The following ZRANB3 variants were observed in gnomAD, a reference collection of about 807,000 sequenced individuals.
The protein encoded by ZRANB3 is zinc finger RANBP2-type containing 3.
In ZRANB3, 125 loss-of-function variants were observed where a neutral mutation model predicts 133.8. The observed-to-expected ratio is 0.93, with a 90% CI of 0.81 to 1.08. The LOEUF is 1.08. Ranked by LOEUF, ZRANB3 falls within the 50% of genes least tolerant of loss-of-function variation. The probability of loss-of-function intolerance (pLI) is 0.00; values close to 1 mark genes in which losing one functional copy is unlikely to be tolerated. For synonymous variants in ZRANB3, 387 were observed against 432.7 expected, an observed-to-expected ratio of 0.89 and a Z score of 1.31; for missense variants, 1,229 against 1,275.5, an observed-to-expected ratio of 0.96 and a Z score of 0.56.
chr2:135,443,698 T>G (rs1689895116), intron 2 of ZRANB3, among the ~76,000 whole-genome samples: 1 of 152,024 alleles, frequency 6.6e-6, no homozygotes, highest in South Asian at 2.1e-4. Flanking sequence ...TGAGGGACAT[T>G]CAACAAAATA....
chr2:135,523,489 T>C (rs1180860509), intron 1 of ZRANB3, among the ~76,000 whole-genome samples: 4 of 152,252 alleles, frequency 2.6e-5, no homozygotes, highest in East Asian at 3.8e-4. Flanking sequence ...GACTTTCTTA[T>C]GGTTTTATTT....
At chr2:135,276,236 T>TG (rs544708362) in intron 8 of ZRANB3, among the ~76,000 whole-genome samples, 216 of 143,358 alleles carry the variant, frequency 1.5e-3, no homozygotes, top group African/African-American at 5.3e-3. Context: ...TAAGGAAAGT[T>TG]TTTTTTTTTT....
rs56770947 is a variant in ZRANB3, at chr2:135,496,384, T to TA, written c.161+7944dup. ...GGGCAACAAGAGCAAAACTCCATCT[T>TA]AAAAAAAAAAAAAAAAAAAAAAAAA... On this transcript the variant is annotated intron_variant, in intron 2 of 20. Coordinates refer to ENST00000264159, the MANE Select transcript of ZRANB3 (RefSeq NM_032143.4). Among the ~76,000 whole-genome samples the TA allele has an allele frequency of 3.8e-3, 127 of 33,316 alleles. 9 individuals are homozygous for TA. The highest frequency in any genetic ancestry group is 4.0e-3 in the Non-Finnish European group (47 of 11,686). The allele number at this position is 33,316 out of a possible 152,430, so 21.9% of individuals were successfully genotyped here.
At chr2:135,247,358 G>T (rs562851218) in intron 12 of ZRANB3, among the ~76,000 whole-genome samples, 195 of 150,180 alleles carry the variant, frequency 1.3e-3, no homozygotes, top group African/African-American at 4.0e-3. Context: ...GAAATGACTG[G>T]TTTTTTTTTC....
chr2:135,286,836 A>G (rs1681396104), intron 8 of ZRANB3, among the ~76,000 whole-genome samples: 1 of 152,074 alleles, frequency 6.6e-6, no homozygotes, highest in Admixed American at 6.6e-5. Context: ...TGTTGGAGGC[A>G]TAGTTTGTGA....
rs542139455 is a variant in ZRANB3 at position 135,489,531 on chromosome 2, C to T, written c.161+14798G>A. Reference sequence around the variant, plus strand: ...ACAAATATAAACTTAAAGAAGCAATCACCTCTATAACACAGAAAACATAAA... The same window carrying T: ...ACAAATATAAACTTAAAGAAGCAATTACCTCTATAACACAGAAAACATAAA... On this transcript the variant is annotated intron_variant, in intron 2 of 20. Transcript: ENST00000264159. 1.4e-4 allele frequency among the ~76,000 whole-genome samples: 22 copies of T among 151,806 alleles called. 1 individual carries two copies. The South Asian group carries it at 4.2e-3, about 29-fold the overall frequency.
chr2:135,365,011 T>C (rs1344841175), intron 3 of ZRANB3, among the ~76,000 whole-genome samples: 4 of 151,086 alleles, frequency 2.6e-5, no homozygotes, highest in Non-Finnish European at 5.9e-5. Flanking sequence ...ATGGTGCCAC[T>C]GCACTCCAGC....
chr2:135,359,216 A>G (rs1057163559), intron 3 of ZRANB3, among the ~76,000 whole-genome samples: 1 of 152,182 alleles, frequency 6.6e-6, no homozygotes, highest in Non-Finnish European at 1.5e-5. Flanking sequence ...TGATTTTTAT[A>G]AAAGAGTTTC....
intron 12 of ZRANB3, among the ~76,000 whole-genome samples, chr2:135,250,214 T>G (rs950084210): frequency 6.6e-6 from 1 of 152,110 alleles, no homozygotes; most frequent in Non-Finnish European, 1.5e-5. Flanking sequence ...TTGTGGAACT[T>G]TGAACTTGAG....
intron 2 of ZRANB3, among the ~76,000 whole-genome samples, chr2:135,428,593 G>A (rs1386885634): frequency 6.6e-6 from 1 of 152,090 alleles, no homozygotes; most frequent in African/African-American, 2.4e-5. Flanking sequence ...GAAAATATCT[G>A]CAAAATATTC....
intron 2 of ZRANB3, among the ~76,000 whole-genome samples, chr2:135,500,662 C>T (rs1692896094): frequency 6.8e-6 from 1 of 146,906 alleles, no homozygotes; most frequent in South Asian, 2.2e-4. Context: ...TGGCAATGTT[C>T]TATTTCTCGA....
At chr2:135,460,455 TG>T (rs1262847754) in intron 2 of ZRANB3, among the ~76,000 whole-genome samples, 1 of 151,994 alleles carries the variant, frequency 6.6e-6, no homozygotes, top group Non-Finnish European at 1.5e-5. Flanking sequence ...TTAGTAGAGA[TG>T]AGGTTTCACC....
chr2:135,423,363 G>A (rs576116580), intron 2 of ZRANB3, among the ~76,000 whole-genome samples: 1 of 152,248 alleles, frequency 6.6e-6, no homozygotes, highest in South Asian at 2.1e-4. Context: ...GAACCCAGGC[G>A]GAGGTTGCAG....
chr2:135,298,516 C>G (rs1484185687), intron 8 of ZRANB3, among the ~76,000 whole-genome samples: 1 of 152,138 alleles, frequency 6.6e-6, no homozygotes, highest in Non-Finnish European at 1.5e-5. Flanking sequence ...GGGTGATCCC[C>G]TGATGTGGTG....
chr2:135,244,166 C>T (rs1468125011), intron 12 of ZRANB3, among the ~76,000 whole-genome samples: 1 of 148,142 alleles, frequency 6.8e-6, no homozygotes. Flanking sequence ...TTCCCAACAA[C>T]AAAACAGAAC....
At chr2:135,371,413 C>A (rs1686171237) in intron 3 of ZRANB3, among the ~76,000 whole-genome samples, 1 of 152,094 alleles carries the variant, frequency 6.6e-6, no homozygotes, top group African/African-American at 2.4e-5. Flanking sequence ...ACATTAAATT[C>A]CAGGAGGATG....
At chr2:135,282,755 C>CA (rs1403969605) in intron 8 of ZRANB3, among the ~76,000 whole-genome samples, 2 of 151,924 alleles carry the variant, frequency 1.3e-5, no homozygotes, top group African/African-American at 2.4e-5. Context: ...CATAGTTTTA[C>CA]AAAAAAACCC....
At chr2:135,378,810 A>G (rs547205063) in intron 3 of ZRANB3, among the ~76,000 whole-genome samples, 2 of 152,346 alleles carry the variant, frequency 1.3e-5, no homozygotes, top group South Asian at 4.1e-4. Context: ...ATTAAGGGAC[A>G]TGCTACAAAC....
chr2:135,359,804 A>G (rs1024384219), intron 3 of ZRANB3, among the ~76,000 whole-genome samples: 2 of 152,188 alleles, frequency 1.3e-5, no homozygotes, highest in East Asian at 3.8e-4. Context: ...AAGATTATGT[A>G]GTGAAATGAC....
Sources: allele counts gnomAD v4.1 joint callset (sites outside exome capture counted in the v4.1 genomes callset), GRCh38; gene constraint gnomAD v4.1.1; transcripts MANE v1.5; gene names NCBI Gene and HGNC (gene_info 2026-07-23, HGNC 2026-07-21).